LRBA: variants seen among roughly 807,000 people sequenced by gnomAD.
LRBA encodes LPS responsive beige-like anchor protein.
A neutral mutation model predicts 330.0 loss-of-function variants in LRBA; 176 were observed. The observed-to-expected ratio is 0.53, with a 90% CI of 0.47 to 0.60. LRBA has a LOEUF of 0.60. Among genes scored for constraint, LRBA ranks in the 20% least tolerant of loss-of-function variants. The pLI is 0.00. For missense variants in LRBA, 3,259 were observed against 3,444.8 expected, an observed-to-expected ratio of 0.95 and a Z score of 1.35; for synonymous variants, 1,230 against 1,193.0, an observed-to-expected ratio of 1.03 and a Z score of -0.64.
At chr4:150,861,270 GGTGTGT>G (rs35115144) in intron 22 of LRBA, among the ~76,000 whole-genome samples, 7,110 of 137,808 alleles carry the variant, frequency 0.052, 514 homozygotes, top group African/African-American at 0.18. Flanking sequence ...CCCAGCTAAT[GGTGTGT>G]GTGTGTGTGT....
chr4:150,816,084 C>T (rs1165046560), intron 31 of LRBA, among the ~76,000 whole-genome samples: 1 of 151,846 alleles, frequency 6.6e-6, no homozygotes, highest in Non-Finnish European at 1.5e-5. Context: ...AGCTACTGGC[C>T]AGTAGCAATA....
At chr4:150,530,737 G>A (rs2152199201) in intron 40 of LRBA, among the ~76,000 whole-genome samples, 1 of 152,190 alleles carries the variant, frequency 6.6e-6, no homozygotes, top group South Asian at 2.1e-4. Context: ...TCTCAACCTG[G>A]GGAAACCTGA....
chr4:150,555,275 A>C (rs1767148084), intron 40 of LRBA, among the ~76,000 whole-genome samples: 1 of 152,176 alleles, frequency 6.6e-6, no homozygotes, highest in Non-Finnish European at 1.5e-5. Flanking sequence ...ACCTATCCTC[A>C]AATTGTATAT....
chr4:150,464,602 G>A (rs1455525009), intron 44 of LRBA, among the ~76,000 whole-genome samples: 1 of 151,850 alleles, frequency 6.6e-6, no homozygotes, highest in Admixed American at 6.6e-5. Context: ...TGGTCAATGG[G>A]TCAATTGGGA....
At chr4:151,012,488 CAGAA>C (rs1233600048) in intron 2 of LRBA, among the ~76,000 whole-genome samples, 1 of 152,082 alleles carries the variant, frequency 6.6e-6, no homozygotes, top group African/African-American at 2.4e-5. Context: ...AACAAAAAAT[CAGAA>C]AGGAAATGTT....
intron 40 of LRBA, among the ~76,000 whole-genome samples, chr4:150,572,595 C>G (rs1390164974): frequency 1.3e-5 from 2 of 152,112 alleles, no homozygotes; most frequent in Non-Finnish European, 2.9e-5. Flanking sequence ...ACAGACTTAT[C>G]TAAATCAAAA....
In LRBA at chr4:150,867,259, T is replaced by C. The variant is rs1217517201; in HGVS notation, c.2766+412A>G. Among the ~76,000 whole-genome samples the C allele has an allele frequency of 2.0e-5, 3 of 152,248 alleles. No individual in the cohort carries two copies. The East Asian group carries it at 5.8e-4, about 29-fold the overall frequency. ...AACAACTGTTCATCTTTGAATATAG[T>C]GCGCCACCTTGTGTTCAAAAGCTTT... On this transcript the variant is annotated intron_variant, in intron 22 of 56. Transcript: ENST00000651943.
chr4:151,005,048 T>G (rs1743849722), intron 2 of LRBA, among the ~76,000 whole-genome samples: 1 of 151,864 alleles, frequency 6.6e-6, no homozygotes, highest in Admixed American at 6.6e-5. Context: ...AGGGAAATAG[T>G]CAAGAAATAG....
rs555393242 is a variant in LRBA, at chr4:150,882,397, G to C, written c.2166-9642C>G. On this transcript the variant is annotated intron_variant, in intron 17 of 56. Coordinates refer to ENST00000651943, the MANE Select transcript of LRBA (RefSeq NM_001364905.1). ...AAAAAAATACTTTACACATTAAAGGGAGGAAAAATCCTGTAGTGCTTCAAT... is the reference window on the plus strand; with the variant it reads ...AAAAAAATACTTTACACATTAAAGGCAGGAAAAATCCTGTAGTGCTTCAAT... 5.3e-5 allele frequency among the ~76,000 whole-genome samples: 8 copies of C among 152,222 alleles called. No homozygotes were observed. In the East Asian group the frequency reaches 1.5e-3, roughly 29 times the overall value.
chr4:150,648,373 GA>G (rs1017730142), intron 37 of LRBA, among the ~76,000 whole-genome samples: 1 of 151,832 alleles, frequency 6.6e-6, no homozygotes, highest in African/African-American at 2.4e-5. Flanking sequence ...TGAGGCCGCA[GA>G]AAGTTCAAGA....
intron 47 of LRBA, among the ~76,000 whole-genome samples, chr4:150,400,737 T>C (rs1349823820): frequency 6.6e-6 from 1 of 152,066 alleles, no homozygotes; most frequent in Non-Finnish European, 1.5e-5. Flanking sequence ...CCTATAGTTC[T>C]AGCTACTCGA....
At chr4:150,799,808 G>A (rs1301497337) in intron 33 of LRBA, among the ~76,000 whole-genome samples, 3 of 152,068 alleles carry the variant, frequency 2.0e-5, no homozygotes, top group Non-Finnish European at 2.9e-5. Flanking sequence ...GCAATGGCAC[G>A]ATCTCAGCTC....
At chr4:150,447,629 ATC>A (rs1752776707) in intron 44 of LRBA, among the ~76,000 whole-genome samples, 1 of 152,096 alleles carries the variant, frequency 6.6e-6, no homozygotes, top group African/African-American at 2.4e-5. Context: ...CTCATAATAA[ATC>A]TCTTTTTGGA....
chr4:150,656,707 T>C (rs770620976), intron 37 of LRBA, among the ~76,000 whole-genome samples: 19 of 152,216 alleles, frequency 1.2e-4, no homozygotes, highest in African/African-American at 3.6e-4. Context: ...TTGGGCACTA[T>C]AATATTATAC....
chr4:150,273,637 A>AG (rs1043029964), intron 56 of LRBA, among the ~76,000 whole-genome samples: 3 of 151,942 alleles, frequency 2.0e-5, no homozygotes, highest in African/African-American at 7.3e-5. Context: ...GCAAATGGAA[A>AG]GAAAAAAAAA....
At chr4:150,961,749 C>T (rs898338995) in intron 2 of LRBA, among the ~76,000 whole-genome samples, 7 of 149,034 alleles carry the variant, frequency 4.7e-5, no homozygotes, top group Admixed American at 6.6e-5. Context: ...TTTTAAAAAG[C>T]GGTAGCAGTA....
intron 34 of LRBA, among the ~76,000 whole-genome samples, chr4:150,765,252 T>C (rs1403612176): frequency 1.3e-5 from 2 of 151,992 alleles, no homozygotes; most frequent in Non-Finnish European, 2.9e-5. Flanking sequence ...TCCGTGTTTA[T>C]AGGGGTTAGT....
intron 47 of LRBA, among the ~76,000 whole-genome samples, chr4:150,391,709 T>C (rs1743964110): frequency 1.3e-5 from 2 of 152,268 alleles, no homozygotes; most frequent in South Asian, 2.1e-4. Flanking sequence ...AGCTAAGATA[T>C]AATTGGTCAA....
intron 47 of LRBA, among the ~76,000 whole-genome samples, chr4:150,367,049 T>C (rs1440880504): frequency 6.6e-6 from 1 of 152,216 alleles, no homozygotes; most frequent in Non-Finnish European, 1.5e-5. Flanking sequence ...GAAGTCTGCA[T>C]TAGTATTTAT....
Sources: gnomAD v4.1 joint callset for allele counts (sites outside exome capture counted in the v4.1 genomes callset) on GRCh38, gnomAD v4.1.1 for gene constraint, MANE v1.5 for transcripts, NCBI Gene and HGNC (gene_info 2026-07-23, HGNC 2026-07-21) for gene names.